Variants in ACACA observed in about 807,000 individuals in gnomAD.
ACACA encodes acetyl-CoA carboxylase alpha.
Under a neutral mutation model 296.1 loss-of-function variants are expected in ACACA, and 103 were observed. The ratio of observed to expected loss-of-function variants is 0.35; its 90% CI spans 0.30 to 0.41. ACACA has a LOEUF of 0.41. Among genes scored for constraint, ACACA ranks in the 10% least tolerant of loss-of-function variants. The pLI is 1.00. For synonymous variants in ACACA, 953 were observed against 1,038.6 expected (o/e 0.92, Z 1.58); for missense variants, 1,554 against 2,989.7 (o/e 0.52, Z 11.20).
rs116432887 is a variant in ACACA at position 37,177,576 on chromosome 17, A to G, written c.5079+1684T>C. 1.4e-3 allele frequency among the ~76,000 whole-genome samples: 216 copies of G among 152,288 alleles called. 1 individual carries two copies. The highest frequency in any genetic ancestry group is 4.9e-3 in the African/African-American group (204 of 41,546). The stretch of plus-strand genomic sequence containing the variant: ...AAAAATCTCATTTTGTGTTTTAATT[A>G]CATTAGTTAAAACCATTTTGCTCTC... On this transcript the variant is annotated intron_variant, in intron 41 of 55. Transcript: ENST00000616317.
chr17:37,223,302 T>C (rs2079381243), intron 28 of ACACA, among the ~76,000 whole-genome samples: 1 of 152,200 alleles, frequency 6.6e-6, no homozygotes, highest in Admixed American at 6.5e-5. Flanking sequence ...TTTCCTGTGA[T>C]TGGAACCTAG....
chr17:37,405,207 A>G (rs1360166812), intron 1 of ACACA, among the ~76,000 whole-genome samples: 2 of 152,196 alleles, frequency 1.3e-5, no homozygotes, highest in Non-Finnish European at 1.5e-5. Flanking sequence ...TAACTAAGAG[A>G]ATCCCCATAT....
chr17:37,384,042 G>A lies in ACACA; in HGVS notation c.38+22220C>T, dbSNP rs375788074. On this transcript the variant is annotated intron_variant, in intron 1 of 55. Coordinates refer to ENST00000616317, the MANE Select transcript of ACACA (RefSeq NM_198834.3). ...GCACTTTGGGAGCCCGAGGCGGGCA[G>A]AACATGAGGTCAGGAATTCGAGACC... Among the ~76,000 whole-genome samples the A allele has an allele frequency of 3.6e-4, 55 of 152,292 alleles. 1 individual carries two copies. In the East Asian group the frequency reaches 8.3e-3, roughly 23 times the overall value.
chr17:37,338,514 G>A (rs549808641), intron 2 of ACACA, among the ~76,000 whole-genome samples: 29 of 150,434 alleles, frequency 1.9e-4, no homozygotes, highest in African/African-American at 5.9e-4. Context: ...AAAATTAGCC[G>A]AGCGTGGCGC....
intron 41 of ACACA, among the ~76,000 whole-genome samples, chr17:37,173,720 T>C (rs1159160100): frequency 1.3e-5 from 2 of 151,504 alleles, no homozygotes; most frequent in African/African-American, 4.8e-5. Flanking sequence ...GGGCTAGCAG[T>C]TCTAAAACTG....
At chr17:37,176,314 G>A (rs944473698) in intron 41 of ACACA, among the ~76,000 whole-genome samples, 4 of 152,170 alleles carry the variant, frequency 2.6e-5, no homozygotes, top group Admixed American at 6.5e-5. Flanking sequence ...TGGTAGAGCC[G>A]TCACTTTTGG....
chr17:37,178,815 G>GA (rs1488189396), intron 41 of ACACA, among the ~76,000 whole-genome samples: 21 of 151,784 alleles, frequency 1.4e-4, no homozygotes, highest in Non-Finnish European at 2.2e-4. Flanking sequence ...AAAGAAAAAA[G>GA]AAAAAAAGAA....
At chr17:37,246,682 C>T (rs2080721428) in intron 19 of ACACA, 144 bp downstream of exon 19, 2 of 1,103,832 alleles carry the variant, frequency 1.8e-6, no homozygotes, top group Non-Finnish European at 2.7e-6. Flanking sequence ...ATCTTCCTGC[C>T]TCAGCCTCCC....
At chr17:37,278,031 G>A in intron 5 of ACACA, 26 bp from the exon 6 acceptor site, 1 of 1,553,564 alleles carries the variant, frequency 6.4e-7, no homozygotes, top group Non-Finnish European at 8.9e-7. Flanking sequence ...AATTAATAGA[G>A]AACACATGAT....
At chr17:37,232,536 C>CAAAGAGGA (rs1444324533) in intron 25 of ACACA, among the ~76,000 whole-genome samples, 1 of 152,012 alleles carries the variant, frequency 6.6e-6, no homozygotes, top group Admixed American at 6.6e-5. Context: ...TAAGCGTTGT[C>CAAAGAGGA]AAAGAGGAAA....
chr17:37,396,966 C>T (rs144432382), intron 1 of ACACA, among the ~76,000 whole-genome samples: 2,710 of 152,094 alleles, frequency 0.018, 78 homozygotes, highest in African/African-American at 0.062. Flanking sequence ...TATACATGTG[C>T]CATGTTGGTT....
At chr17:37,162,170 A>G in intron 41 of ACACA, 120 bp from the exon 42 acceptor site, 1 of 1,086,546 alleles carries the variant, frequency 9.2e-7, no homozygotes, top group Non-Finnish European at 1.4e-6. Flanking sequence ...ACACATTGCT[A>G]AAGAGCCAAA....
chr17:37,140,189 G>T (rs888699886), intron 45 of ACACA, among the ~76,000 whole-genome samples: 1 of 152,046 alleles, frequency 6.6e-6, no homozygotes, highest in Non-Finnish European at 1.5e-5. Context: ...AACTTTTGAG[G>T]ATCCTCCCAC....
Position 37,262,918 on chromosome 17 carries a change from T to G in ACACA, c.1329+767A>C, listed in dbSNP as rs553845916. On this transcript the variant is annotated intron_variant, in intron 11 of 55. Transcript: ENST00000616317. The stretch of plus-strand genomic sequence containing the variant: ...CTAATTTTTGTATTTTTAGTAGAGA[T>G]AGGGTTTCACCATATTGCCCAGGCC... 2.0e-4 allele frequency among the ~76,000 whole-genome samples: 31 copies of G among 152,074 alleles called. 1 individual carries two copies. The highest frequency in any genetic ancestry group is 3.4e-3 in the Middle Eastern group (1 of 294).
At position 37,195,917 on chromosome 17, in the gene ACACA, A is replaced by G. The variant is rs1598139172; in HGVS notation, c.4159-2502T>C. On this transcript the variant is annotated intron_variant, in intron 35 of 55. Transcript: ENST00000616317. ...CATAATTGAATGTACACAAAGAAAAACCCTCTTAGTATTCTGGTACCAAAA... is the reference window on the plus strand; with the variant it reads ...CATAATTGAATGTACACAAAGAAAAGCCCTCTTAGTATTCTGGTACCAAAA... Among the ~76,000 whole-genome samples the G allele has an allele frequency of 1.3e-5, 2 of 151,544 alleles. 1 individual carries two copies. Among genetic ancestry groups the G allele is most frequent in the South Asian group, 4.2e-4 (2 of 4,786 alleles).
intron 3 of ACACA, among the ~76,000 whole-genome samples, chr17:37,316,302 T>TACACACACACAC (rs10533479): frequency 0.037 from 5,223 of 142,490 alleles, 130 homozygotes; most frequent in East Asian, 0.098. Context: ...TACCCTTACA[T>TACACACACACAC]ACACACACAC....
intron 3 of ACACA, among the ~76,000 whole-genome samples, chr17:37,297,831 A>T (rs2083429488): frequency 6.6e-6 from 1 of 152,150 alleles, no homozygotes; most frequent in Non-Finnish European, 1.5e-5. Flanking sequence ...GATTACAGGC[A>T]TAAGCCACCA....
intron 1 of ACACA, among the ~76,000 whole-genome samples, chr17:37,346,180 G>A (rs2048606897): frequency 6.6e-6 from 1 of 152,096 alleles, no homozygotes; most frequent in African/African-American, 2.4e-5. Context: ...AGCCGGGCAT[G>A]GAGGCATGCA....
intron 46 of ACACA, among the ~76,000 whole-genome samples, chr17:37,129,845 C>T (rs956697151): frequency 1.4e-4 from 22 of 152,106 alleles, no homozygotes; most frequent in Admixed American, 3.9e-4. Context: ...TGAGGGCTTC[C>T]GTGGCTGGAA....
Sources: allele counts gnomAD v4.1 joint callset (sites outside exome capture counted in the v4.1 genomes callset), GRCh38; gene constraint gnomAD v4.1.1; transcripts MANE v1.5; gene names NCBI Gene and HGNC (gene_info 2026-07-23, HGNC 2026-07-21).